OR51B5: variants seen among roughly 807,000 people sequenced by gnomAD.
OR51B5 encodes the protein olfactory receptor 51B5.
For missense variants in OR51B5, 456 were observed against 374.6 expected (o/e 1.22, Z -1.79); for synonymous variants, 186 against 144.8 (o/e 1.28, Z -2.04).
At chr11:5,363,575 A>T (rs993340013) in intron 1 of OR51B5, among the ~76,000 whole-genome samples, 1 of 152,036 alleles carries the variant, frequency 6.6e-6, no homozygotes, top group Non-Finnish European at 1.5e-5. Flanking sequence ...CAAGTTTTTG[A>T]GTGTGAATGC....
chr11:5,347,181 C>G (rs1270182804), upstream of OR51B5, among the ~76,000 whole-genome samples: 2 of 152,144 alleles, frequency 1.3e-5, no homozygotes, highest in African/African-American at 4.8e-5. Flanking sequence ...CTGGTATCAC[C>G]TCTGGGAGGT....
chr11:5,395,185 G>C (rs1785177966), intron 1 of OR51B5, among the ~76,000 whole-genome samples: 1 of 152,160 alleles, frequency 6.6e-6, no homozygotes, highest in Non-Finnish European at 1.5e-5. Flanking sequence ...CGTCCATCTA[G>C]GGAGATTCCT....
At chr11:5,488,362 T>G (rs1358729215) in intron 1 of OR51B5, among the ~76,000 whole-genome samples, 2 of 152,086 alleles carry the variant, frequency 1.3e-5, no homozygotes, top group Non-Finnish European at 2.9e-5. Flanking sequence ...GTAAGAAATA[T>G]CCCATGATGT....
intron 1 of OR51B5, among the ~76,000 whole-genome samples, chr11:5,358,262 G>C (rs1849224773): frequency 4.0e-5 from 6 of 151,604 alleles, no homozygotes; most frequent in Admixed American, 3.9e-4. Flanking sequence ...TAATAAAGAA[G>C]AAAAGAGAGA....
At chr11:5,431,235 G>C in intron 1 of OR51B5, 1 of 342,858 alleles carries the variant, frequency 2.9e-6, no homozygotes, top group Non-Finnish European at 5.8e-6. Flanking sequence ...CTACAAAGCG[G>C]TCATAGCTCA....
At chr11:5,402,484 C>A in intron 1 of OR51B5, 1 of 357,984 alleles carries the variant, frequency 2.8e-6, no homozygotes, top group Admixed American at 3.8e-5. Context: ...TGTGAGTTTG[C>A]TTTTTTCTTC....
intron 1 of OR51B5, among the ~76,000 whole-genome samples, chr11:5,460,995 C>G (rs981213843): frequency 6.6e-6 from 1 of 152,160 alleles, no homozygotes; most frequent in Non-Finnish European, 1.5e-5. Context: ...AACACTCTGA[C>G]AGGGGCTGCC....
chr11:5,389,707 T>G lies in OR51B5; in HGVS notation n.85-42797A>C, dbSNP rs200467703. ...GGATCTTCTGGTTTAACTCCCATAG[T>G]ATCTACTTTGGAGCGTGTCAAATCC... On this transcript the variant is annotated intron_variant and non_coding_transcript_variant, in intron 1 of 4. Transcript: ENST00000415970. 846 of 1,613,858 alleles carry G rather than the reference T, an allele frequency of 5.2e-4. 9 individuals carry two copies. The South Asian group carries it at 8.8e-3, about 17-fold the overall frequency.
intron 1 of OR51B5, among the ~76,000 whole-genome samples, chr11:5,379,757 G>A (rs903299638): frequency 1.3e-5 from 2 of 151,972 alleles, no homozygotes; most frequent in Middle Eastern, 3.4e-3. Flanking sequence ...TCCATTTTTT[G>A]TTTCCTTTTA....
chr11:5,406,684 C>A (rs966849152), intron 1 of OR51B5, among the ~76,000 whole-genome samples: 5 of 152,036 alleles, frequency 3.3e-5, no homozygotes. Flanking sequence ...CTGCCAAGAA[C>A]AATTAGAAAA....
intron 1 of OR51B5, among the ~76,000 whole-genome samples, chr11:5,356,363 A>G (rs1329715670): frequency 6.6e-6 from 1 of 151,940 alleles, no homozygotes; most frequent in Non-Finnish European, 1.5e-5. Flanking sequence ...ATCAACTGGA[A>G]GAAAGGGTAT....
chr11:5,413,814 A>C (rs1384833427), intron 1 of OR51B5, among the ~76,000 whole-genome samples: 2 of 151,806 alleles, frequency 1.3e-5, no homozygotes, highest in African/African-American at 4.8e-5. Flanking sequence ...TGATTGGTGT[A>C]CCTGAAAGTG....
chr11:5,395,254 T>C (rs148085957), intron 1 of OR51B5, among the ~76,000 whole-genome samples: 104 of 152,294 alleles, frequency 6.8e-4, no homozygotes, highest in African/African-American at 2.4e-3. Flanking sequence ...GCAGCCCACG[T>C]AGAACAGCAT....
chr11:5,427,332 C>T (rs893326365), intron 1 of OR51B5, among the ~76,000 whole-genome samples: 4 of 151,938 alleles, frequency 2.6e-5, no homozygotes, highest in Non-Finnish European at 5.9e-5. Flanking sequence ...CCTGCCCCTA[C>T]ACATGTGTGC....
At chr11:5,420,606 T>C (rs1850318459) in intron 1 of OR51B5, among the ~76,000 whole-genome samples, 1 of 151,958 alleles carries the variant, frequency 6.6e-6, no homozygotes, top group South Asian at 2.1e-4. Context: ...TTAAAGATTA[T>C]ATCTACTTGT....
intron 1 of OR51B5, among the ~76,000 whole-genome samples, chr11:5,458,097 TATA>T (rs1182867383): frequency 1.3e-5 from 2 of 152,212 alleles, no homozygotes; most frequent in African/African-American, 4.8e-5. Context: ...TAGTTTTAGT[TATA>T]ATATTATGCT....
chr11:5,370,944 G>A (rs1849439114), intron 1 of OR51B5, among the ~76,000 whole-genome samples: 1 of 152,150 alleles, frequency 6.6e-6, no homozygotes. Flanking sequence ...CTGGAGCTCT[G>A]GTTCAATGAG....
intron 1 of OR51B5, among the ~76,000 whole-genome samples, chr11:5,395,425 T>C (rs1849853260): frequency 6.6e-6 from 1 of 152,302 alleles, no homozygotes; most frequent in South Asian, 2.1e-4. Flanking sequence ...CATGACTATA[T>C]GCAGGGTTAT....
intron 1 of OR51B5, among the ~76,000 whole-genome samples, chr11:5,432,746 A>G (rs1850549834): frequency 6.6e-6 from 1 of 152,210 alleles, no homozygotes; most frequent in African/African-American, 2.4e-5. Context: ...AGAAAAATTG[A>G]ATAACAGGCC....
Sources: allele counts gnomAD v4.1 joint callset (sites outside exome capture counted in the v4.1 genomes callset), GRCh38; gene constraint gnomAD v4.1.1; transcripts MANE v1.5; gene names NCBI Gene and HGNC (gene_info 2026-07-23, HGNC 2026-07-21).